The following EDIL3 variants were observed in gnomAD, a reference collection of about 807,000 sequenced individuals.
EDIL3 encodes the protein EGF-like repeat and discoidin I-like domain-containing protein 3.
A neutral mutation model predicts 67.4 loss-of-function variants in EDIL3; 37 were observed. The ratio of observed to expected loss-of-function variants is 0.55; its 90% CI spans 0.42 to 0.72. The LOEUF is 0.72. Ranked by LOEUF, EDIL3 falls within the 30% of genes least tolerant of loss-of-function variation. The pLI is 0.00. For missense variants in EDIL3, 527 were observed against 586.3 expected, an observed-to-expected ratio of 0.90 and a Z score of 1.04; for synonymous variants, 195 against 196.3, an observed-to-expected ratio of 0.99 and a Z score of 0.05.
chr5:84,161,902 T>G (rs571410790), intron 4 of EDIL3, among the ~76,000 whole-genome samples: 1 of 152,160 alleles, frequency 6.6e-6, no homozygotes, highest in Non-Finnish European at 1.5e-5. Flanking sequence ...GGTTGGAATT[T>G]AGAACTCTAA....
At chr5:84,209,432 A>G (rs1173200275) in intron 3 of EDIL3, among the ~76,000 whole-genome samples, 2 of 152,146 alleles carry the variant, frequency 1.3e-5, no homozygotes, top group Non-Finnish European at 2.9e-5. Flanking sequence ...TTGAATAAAG[A>G]TATTGCTTGA....
intron 9 of EDIL3, among the ~76,000 whole-genome samples, chr5:84,037,953 G>T (rs578173116): frequency 6.6e-6 from 1 of 151,348 alleles, no homozygotes; most frequent in Non-Finnish European, 1.5e-5. Flanking sequence ...AACAGCAAAA[G>T]GTGCTGGGAT....
intron 9 of EDIL3, among the ~76,000 whole-genome samples, chr5:83,978,444 T>G (rs547018471): frequency 6.6e-6 from 1 of 151,980 alleles, no homozygotes; most frequent in Non-Finnish European, 1.5e-5. Flanking sequence ...AGTCAGCACA[T>G]TTAAAAACAA....
At chr5:84,051,611 T>G (rs1441922107) in intron 9 of EDIL3, among the ~76,000 whole-genome samples, 1 of 152,172 alleles carries the variant, frequency 6.6e-6, no homozygotes, top group African/African-American at 2.4e-5. Context: ...AAGAAGTCCT[T>G]AAAGGACCTG....
At chr5:84,144,384 A>G (rs1159894330) in intron 4 of EDIL3, among the ~76,000 whole-genome samples, 2 of 151,772 alleles carry the variant, frequency 1.3e-5, no homozygotes, top group Non-Finnish European at 2.9e-5. Flanking sequence ...ACAATCTGTA[A>G]TGTTTCTGAA....
intron 5 of EDIL3, among the ~76,000 whole-genome samples, chr5:84,116,366 A>G (rs773970453): frequency 3.3e-5 from 5 of 152,196 alleles, no homozygotes; most frequent in Non-Finnish European, 7.3e-5. Context: ...TTTGAATTCT[A>G]GAGACATCTA....
chr5:84,263,918 A>G (rs1281579499), intron 1 of EDIL3, among the ~76,000 whole-genome samples: 1 of 152,208 alleles, frequency 6.6e-6, no homozygotes, highest in African/African-American at 2.4e-5. Context: ...AAGATGTACC[A>G]GGAAGTTTGA....
At chr5:84,338,291 C>T (rs145124880) in intron 1 of EDIL3, among the ~76,000 whole-genome samples, 1 of 152,126 alleles carries the variant, frequency 6.6e-6, no homozygotes, top group African/African-American at 2.4e-5. Context: ...AGAATGCAAA[C>T]AGGTGTGATA....
Position 84,150,867 on chromosome 5 carries a change from T to G in EDIL3, c.356-13513A>C, listed in dbSNP as rs1298076395. ...ATTACTATAGTAATAACCCCAAACC[T>G]GAGACAACCTGATCTCAAAATAGTT... On this transcript the variant is annotated intron_variant, in intron 4 of 10. Coordinates refer to ENST00000296591, the MANE Select transcript of EDIL3 (RefSeq NM_005711.5). 3.9e-5 allele frequency among the ~76,000 whole-genome samples: 6 copies of G among 152,258 alleles called. No homozygotes were observed. In the East Asian group the frequency reaches 1.2e-3, roughly 29 times the overall value.
At chr5:84,004,558 G>A (rs1745381767) in intron 9 of EDIL3, among the ~76,000 whole-genome samples, 1 of 151,894 alleles carries the variant, frequency 6.6e-6, no homozygotes, top group South Asian at 2.1e-4. Flanking sequence ...AAAATTACAT[G>A]GAAATTAAAC....
chr5:84,277,827 G>A (rs140565288), intron 1 of EDIL3, among the ~76,000 whole-genome samples: 518 of 152,000 alleles, frequency 3.4e-3, no homozygotes, highest in African/African-American at 0.011. Context: ...TTTCAATACA[G>A]GAAATAAACC....
At chr5:83,964,129 T>C (rs1318134797) in intron 9 of EDIL3, among the ~76,000 whole-genome samples, 1 of 151,922 alleles carries the variant, frequency 6.6e-6, no homozygotes, top group African/African-American at 2.4e-5. Context: ...CAAAATGTAA[T>C]TGACATGCAA....
At chr5:84,307,138 G>A (rs766810475) in intron 1 of EDIL3, among the ~76,000 whole-genome samples, 1 of 152,148 alleles carries the variant, frequency 6.6e-6, no homozygotes, top group Non-Finnish European at 1.5e-5. Context: ...GTGCACATCT[G>A]AAAATAAAAG....
intron 5 of EDIL3, among the ~76,000 whole-genome samples, chr5:84,133,200 C>G (rs62364247): frequency 1.1e-3 from 161 of 152,114 alleles, no homozygotes; most frequent in Non-Finnish European, 1.9e-3. Flanking sequence ...GTTTAAACAT[C>G]ATGTTCAGTT....
At chr5:84,102,533 A>G (rs1193036558) in intron 6 of EDIL3, among the ~76,000 whole-genome samples, 8 of 151,970 alleles carry the variant, frequency 5.3e-5, no homozygotes, top group Non-Finnish European at 1.2e-4. Flanking sequence ...TACAAAAATT[A>G]CTGGCATTCC....
At chr5:84,280,504 A>G (rs561365636) in intron 1 of EDIL3, among the ~76,000 whole-genome samples, 4,184 of 152,210 alleles carry the variant, frequency 0.027, 207 homozygotes, top group African/African-American at 0.097. Flanking sequence ...CTATCTGTGA[A>G]TATATTTTTT....
chr5:84,122,799 G>A (rs1197023135), intron 5 of EDIL3, among the ~76,000 whole-genome samples: 1 of 151,886 alleles, frequency 6.6e-6, no homozygotes, highest in African/African-American at 2.4e-5. Context: ...TTCTGCCGTG[G>A]TTGGACTAAA....
chr5:84,150,777 T>C (rs1748375707), intron 4 of EDIL3, among the ~76,000 whole-genome samples: 1 of 152,162 alleles, frequency 6.6e-6, no homozygotes, highest in Non-Finnish European at 1.5e-5. Flanking sequence ...CTCCTACATA[T>C]TTATCCAAGA....
chr5:84,105,676 G>T (rs113706035), intron 6 of EDIL3, among the ~76,000 whole-genome samples: 1 of 151,860 alleles, frequency 6.6e-6, no homozygotes, highest in Non-Finnish European at 1.5e-5. Flanking sequence ...TATGACTCCC[G>T]AAGCACAGCA....
Sources: gnomAD v4.1 joint callset for allele counts (sites outside exome capture counted in the v4.1 genomes callset) on GRCh38, gnomAD v4.1.1 for gene constraint, MANE v1.5 for transcripts, NCBI Gene and HGNC (gene_info 2026-07-23, HGNC 2026-07-21) for gene names.